The following NSDHL variants were observed in gnomAD, a reference collection of about 807,000 sequenced individuals.
NSDHL encodes the protein NAD(P) dependent 3-beta-hydroxysteroid dehydrogenase NSDHL.
NSDHL carries 1 observed loss-of-function variant against 23.0 expected under a neutral mutation model. The ratio of observed to expected loss-of-function variants is 0.04; its 90% CI spans 0.02 to 0.21. NSDHL has a LOEUF of 0.21. Among genes scored for constraint, NSDHL ranks in the 10% least tolerant of loss-of-function variants. The probability of loss-of-function intolerance (pLI) is 1.00; values close to 1 mark genes in which losing one functional copy is unlikely to be tolerated. For missense variants in NSDHL, 237 were observed against 300.9 expected (o/e 0.79, Z 1.57); for synonymous variants, 128 against 121.1 (o/e 1.06, Z -0.37).
intron 1 of NSDHL, among the ~76,000 whole-genome samples, chrX:152,845,581 G>T (rs1556845423): frequency 9.0e-6 from 1 of 111,636 alleles, no homozygotes; most frequent in African/African-American, 3.3e-5. Flanking sequence ...AACGTTGTCG[G>T]ATTTTATTGC....
At chrX:152,866,103 C>A in intron 6 of NSDHL, 142 bp downstream of exon 6, 1 of 684,340 alleles carries the variant, frequency 1.5e-6, no homozygotes, top group South Asian at 2.4e-5. Context: ...TAACAAAATA[C>A]CTAAGACTGG....
intron 1 of NSDHL, among the ~76,000 whole-genome samples, chrX:152,841,074 C>T (rs1556844809): frequency 8.8e-6 from 1 of 113,032 alleles, no homozygotes; most frequent in African/African-American, 3.2e-5. Context: ...GCTGCACTAG[C>T]AGTGAGCAAG....
intron 2 of NSDHL, among the ~76,000 whole-genome samples, chrX:152,850,049 A>C (rs1342286548): frequency 8.9e-6 from 1 of 112,179 alleles, no homozygotes; most frequent in East Asian, 2.8e-4. Context: ...GTCATTCGCT[A>C]TCTCTCTTCC....
intron 1 of NSDHL, among the ~76,000 whole-genome samples, chrX:152,837,065 A>G (rs1272896803): frequency 8.9e-6 from 1 of 111,861 alleles, no homozygotes; most frequent in Non-Finnish European, 1.9e-5. Context: ...CTTTGAAGCA[A>G]TTGTGAATGG....
At chrX:152,846,662 G>A (rs1933279489) in intron 2 of NSDHL, among the ~76,000 whole-genome samples, 1 of 112,420 alleles carries the variant, frequency 8.9e-6, no homozygotes, top group South Asian at 3.7e-4. Flanking sequence ...GAGCCCAGCT[G>A]GGGTGTTCTT....
intron 1 of NSDHL, among the ~76,000 whole-genome samples, chrX:152,832,003 A>G (rs1436079829): frequency 1.8e-5 from 2 of 111,418 alleles, no homozygotes; most frequent in Non-Finnish European, 3.8e-5. Flanking sequence ...CATCCCCCCA[A>G]GTAGTACGAG....
At position 152,850,354 on chromosome X, in the gene NSDHL, A is replaced by G. The variant is rs782555291; in HGVS notation, c.198A>G (p.Val66=). 1 of 1,209,978 alleles carries G rather than the reference A, an allele frequency of 8.3e-7. No homozygotes were observed. The highest frequency in any genetic ancestry group is 1.1e-6 in the Non-Finnish European group (1 of 894,169). ...QLLARGYAVN[V]FDIQQGFDNP... is the part of the protein sequence containing the mutation. ...TGGCAAGAGGATATGCTGTCAATGTATTTGATATCCAGCAAGGGTTTGATA... is the reference window on the plus strand; with the variant it reads ...TGGCAAGAGGATATGCTGTCAATGTGTTTGATATCCAGCAAGGGTTTGATA... Residue 66 remains valine, a synonymous_variant, in exon 3 of 8, where the codon GTA becomes GTG. Transcript: ENST00000370274.
At chrX:152,866,044 C>T in intron 6 of NSDHL, 83 bp downstream of exon 6, 1 of 1,033,731 alleles carries the variant, frequency 9.7e-7, no homozygotes, top group East Asian at 3.0e-5. Flanking sequence ...AGCCACATGG[C>T]ATTGTAGCTC....
At chrX:152,834,663 A>G (rs782810366) in intron 1 of NSDHL, among the ~76,000 whole-genome samples, 1 of 112,748 alleles carries the variant, frequency 8.9e-6, no homozygotes, top group Non-Finnish European at 1.9e-5. Context: ...CCTCAGGTGA[A>G]TCCTTCTCTT....
intron 5 of NSDHL, among the ~76,000 whole-genome samples, chrX:152,865,424 C>T (rs1269291360): frequency 1.8e-5 from 2 of 112,909 alleles, no homozygotes; most frequent in Non-Finnish European, 3.7e-5. Flanking sequence ...CAGTTCAAGT[C>T]ACTGGAGGCT....
chrX:152,867,622 A>G lies in NSDHL; in HGVS notation c.738A>G (p.Gly246=), dbSNP rs367758611. ...DFTFVENVVH[G]HILAAEQLSR... The stretch of plus-strand genomic sequence containing the variant: ...CCTTTGTGGAGAACGTGGTCCATGG[A>G]CACATCCTGGCGGCAGAGCAGCTCT... The change falls in exon 7 of 8, where the codon GGA becomes GGG. Residue 246 remains glycine, a synonymous_variant. Coordinates refer to ENST00000370274, the MANE Select transcript of NSDHL (RefSeq NM_015922.3). The G allele has an allele frequency of 2.5e-6, 3 of 1,209,036 alleles. No homozygotes were observed. In the African/African-American group the frequency reaches 5.2e-5, roughly 21 times the overall value.
chrX:152,869,472 T>C lies in NSDHL; in HGVS notation c.*356T>C. 3.6e-6 allele frequency: 1 copy of C among 279,240 alleles called. No individual in the cohort carries two copies. The allele number at this position is 279,240 out of a possible 1,213,427, so 23.0% of individuals were successfully genotyped here. A position where few individuals can be genotyped will look rare whatever the true frequency, so the allele number is the denominator to read the frequency against. On this transcript the variant is annotated 3_prime_UTR_variant, in exon 8 of 8. Transcript: ENST00000370274. Reference sequence around the variant, plus strand: ...GGAAGCTGTAGGAAGCTACAACCCATTTGTTAGTTCTGATGGAGAACCATT... The same window carrying C: ...GGAAGCTGTAGGAAGCTACAACCCACTTGTTAGTTCTGATGGAGAACCATT...
At chrX:152,839,618 A>G (rs1197315192) in intron 1 of NSDHL, among the ~76,000 whole-genome samples, 2 of 112,592 alleles carry the variant, frequency 1.8e-5, no homozygotes, top group African/African-American at 6.5e-5. Flanking sequence ...AGAATGTTGA[A>G]TATTGGCTCC....
At chrX:152,838,299 T>C (rs112048763) in intron 1 of NSDHL, among the ~76,000 whole-genome samples, 2 of 111,903 alleles carry the variant, frequency 1.8e-5, no homozygotes. Context: ...TCTATCTCCT[T>C]CAGTTCTGCT....
At chrX:152,858,671 C>A in intron 3 of NSDHL, 99 bp from the exon 4 acceptor site, 3 of 688,394 alleles carry the variant, frequency 4.4e-6, no homozygotes, top group Non-Finnish European at 7.0e-6. Flanking sequence ...AATTATAAGA[C>A]AAGGAACCTA....
intron 4 of NSDHL, 102 bp downstream of exon 4, chrX:152,859,018 T>G: frequency 2.8e-6 from 2 of 706,883 alleles, no homozygotes; most frequent in Non-Finnish European, 4.3e-6. Flanking sequence ...TAGGCGGGGT[T>G]GCTTCTTAAA....
At position 152,869,217 on chromosome X, in the gene NSDHL, C is replaced by A; in HGVS notation, c.*101C>A. Reference sequence around the variant, plus strand: ...ATCCTTTGAATGAGTTTGCTCTGAGCCTGTGACTCCTTCTGCTAGGCAGAG... The same window carrying A: ...ATCCTTTGAATGAGTTTGCTCTGAGACTGTGACTCCTTCTGCTAGGCAGAG... On this transcript the variant is annotated 3_prime_UTR_variant, in exon 8 of 8. Coordinates refer to ENST00000370274, the MANE Select transcript of NSDHL (RefSeq NM_015922.3). 1 of 695,875 alleles carries A rather than the reference C, an allele frequency of 1.4e-6. No homozygotes were observed. The highest frequency in any genetic ancestry group is 2.1e-5 in the African/African-American group (1 of 47,483). The allele number at this position is 695,875 out of a possible 1,213,427, so 57.3% of individuals were successfully genotyped here.
intron 1 of NSDHL, among the ~76,000 whole-genome samples, chrX:152,845,799 G>A (rs1399101702): frequency 8.9e-6 from 1 of 111,866 alleles, no homozygotes; most frequent in East Asian, 2.8e-4. Flanking sequence ...GAGCCCTTGT[G>A]CCCATTTCAT....
chrX:152,849,665 A>T (rs1186690442), intron 2 of NSDHL, among the ~76,000 whole-genome samples: 1 of 112,465 alleles, frequency 8.9e-6, no homozygotes, highest in Admixed American at 9.4e-5. Context: ...CCACCAGGAG[A>T]TCCCATCAAG....
Sources: gnomAD v4.1 joint callset for allele counts (sites outside exome capture counted in the v4.1 genomes callset) on GRCh38, gnomAD v4.1.1 for gene constraint, MANE v1.5 for transcripts, NCBI Gene and HGNC (gene_info 2026-07-23, HGNC 2026-07-21) for gene names.